ZFPM1: variants seen among roughly 807,000 people sequenced by gnomAD.
The protein encoded by ZFPM1 is zinc finger protein ZFPM1.
A neutral mutation model predicts 46.3 loss-of-function variants in ZFPM1; 28 were observed. That is an observed-to-expected ratio of 0.60 (90% CI 0.45 to 0.83). ZFPM1 has a LOEUF of 0.83. Among genes scored for constraint, ZFPM1 ranks in the 40% least tolerant of loss-of-function variants. ZFPM1 has a pLI of 0.00. For synonymous variants in ZFPM1, 957 were observed against 675.9 expected (o/e 1.42, Z -6.45); for missense variants, 1,878 against 1,432.4 (o/e 1.31, Z -5.02).
intron 5 of ZFPM1, among the ~76,000 whole-genome samples, chr16:88,527,346 G>A (rs1316668410): frequency 1.7e-4 from 26 of 152,220 alleles, no homozygotes; most frequent in Non-Finnish European, 3.5e-4. Context: ...CAAGGTGGCC[G>A]TCCAGGAAGT....
chr16:88,519,950 AATGGATGGATGG>A (rs375269569), intron 4 of ZFPM1, among the ~76,000 whole-genome samples: 10 of 103,234 alleles, frequency 9.7e-5, no homozygotes, highest in African/African-American at 3.4e-4. Flanking sequence ...TGGATGGATG[AATGGATGGATGG>A]ATGGATGGAT....
At position 88,534,382 on chromosome 16, in the gene ZFPM1, C is replaced by T. The variant is rs775652430; in HGVS notation, c.2424C>T (p.Ala808=). ...SKKPRRPLPG[A]PAPALADYHE... is the part of the protein sequence containing the mutation. ...AGCCGCGGCGCCCGCTCCCCGGAGC[C>T]CCGGCACCGGCGCTGGCCGACTACC... The change falls in exon 10 of 10, where the codon GCC becomes GCT. Residue 808 remains alanine (A), a synonymous_variant. Coordinates refer to ENST00000319555, the MANE Select transcript of ZFPM1 (RefSeq NM_153813.3). 3.4e-6 allele frequency: 5 copies of T among 1,459,526 alleles called. No individual in the cohort carries two copies. The highest frequency in any genetic ancestry group is 2.4e-5 in the Admixed American group (1 of 40,820). The allele number at this position is 1,459,526 out of a possible 1,614,324, so 90.4% of individuals were successfully genotyped here. A position where few individuals can be genotyped will look rare whatever the true frequency, so the allele number is the denominator to read the frequency against.
chr16:88,534,109 G>C lies in ZFPM1; in HGVS notation c.2151G>C (p.Pro717=), dbSNP rs1316138256. ...ASRHDPPPRR[P]AAPPGPPGPA... The stretch of plus-strand genomic sequence containing the variant: ...GCCACGACCCGCCGCCGCGCCGACC[G>C]GCCGCGCCCCCGGGACCCCCTGGGC... Residue 717 remains proline (P), a synonymous_variant, in exon 10 of 10, where the codon CCG becomes CCC. Coordinates refer to ENST00000319555, the MANE Select transcript of ZFPM1 (RefSeq NM_153813.3). 2.6e-6 allele frequency: 3 copies of C among 1,140,462 alleles called. No homozygotes were observed. Among genetic ancestry groups the C allele is most frequent in the Non-Finnish European group, 2.2e-6 (2 of 906,314 alleles). 70.6% of individuals were successfully genotyped at this position (1,140,462 alleles called of 1,614,324 possible).
chr16:88,519,871 A>G (rs893264794), intron 4 of ZFPM1, among the ~76,000 whole-genome samples: 1 of 150,006 alleles, frequency 6.7e-6, no homozygotes, highest in Non-Finnish European at 1.5e-5. Flanking sequence ...GGGTGGGTAG[A>G]TGGGTAGATG....
chr16:88,509,561 C>T (rs1910842339), intron 3 of ZFPM1, among the ~76,000 whole-genome samples: 1 of 152,260 alleles, frequency 6.6e-6, no homozygotes, highest in South Asian at 2.1e-4. Context: ...CCTGCCTCCT[C>T]AAGTCAGAGC....
At position 88,497,677 on chromosome 16, in the gene ZFPM1, C is replaced by T. The variant is rs11859229; in HGVS notation, c.268+8524C>T. On this transcript the variant is annotated intron_variant, in intron 3 of 9. Coordinates refer to ENST00000319555, the MANE Select transcript of ZFPM1 (RefSeq NM_153813.3). The surrounding 1 kb of genome is among the most constrained non-coding windows in gnomAD (Gnocchi z 5.4). ...TGAGCGATCCGGTCCAGCATCCCGG[C>T]GCTGGGAGCCGGCAGCTGCTGTGAG... 5.9e-5 allele frequency among the ~76,000 whole-genome samples: 9 copies of T among 152,030 alleles called. No homozygotes were observed. The South Asian group carries it at 1.2e-3, about 21-fold the overall frequency.
intron 3 of ZFPM1, among the ~76,000 whole-genome samples, chr16:88,505,693 A>C (rs1910613307): frequency 6.6e-6 from 1 of 152,072 alleles, no homozygotes; most frequent in Non-Finnish European, 1.5e-5. Context: ...AGCTCCCGGG[A>C]ACGCAGCCCA....
At position 88,533,780 on chromosome 16, in the gene ZFPM1, G is replaced by A. The variant is rs1256838969; in HGVS notation, c.1822G>A (p.Asp608Asn). 31 of 1,355,512 alleles carry A rather than the reference G, an allele frequency of 2.3e-5. No homozygotes were observed. The highest frequency in any genetic ancestry group is 3.0e-5 in the Non-Finnish European group (31 of 1,040,800). The allele number at this position is 1,355,512 out of a possible 1,614,324, so 84.0% of individuals were successfully genotyped here. The change falls in exon 10 of 10, where the codon GAC (aspartate) becomes AAC (asparagine). Residue 608 changes from aspartate to asparagine, a missense_variant. Transcript: ENST00000319555. ...CTGTTCAGGCCGCCGTGCGCCCGAGGACGCGCCTGCCGCGCGCAGGCCCAA... is the reference window on the plus strand; with the variant it reads ...CTGTTCAGGCCGCCGTGCGCCCGAGAACGCGCCTGCCGCGCGCAGGCCCAA... ...LYCSGRRAPE[D>N]APAARRPKAP... is the part of the protein sequence containing the mutation.
chr16:88,510,375 G>A (rs547914985), intron 3 of ZFPM1, among the ~76,000 whole-genome samples: 34 of 152,216 alleles, frequency 2.2e-4, no homozygotes, highest in Non-Finnish European at 8.8e-5. Context: ...GCCAAGCTCT[G>A]CCTGGTCCTC....
chr16:88,503,189 G>A (rs976147995), intron 3 of ZFPM1, among the ~76,000 whole-genome samples: 1 of 152,236 alleles, frequency 6.6e-6, no homozygotes, highest in African/African-American at 2.4e-5. Context: ...TGTGTCTGGG[G>A]GGCCACGGTT....
In ZFPM1 at chr16:88,533,632, G is replaced by C. The variant is rs1912991198; in HGVS notation, c.1674G>C (p.Ala558=). ...ELVHSRLQQG[A]GAGAGGAQTG... The stretch of plus-strand genomic sequence containing the variant: ...TGCACAGCCGGCTGCAGCAGGGCGC[G>C]GGCGCGGGCGCCGGCGGCGCGCAGA... The change falls in exon 10 of 10, where the codon GCG becomes GCC. Residue 558 remains alanine, a synonymous_variant. Transcript: ENST00000319555. 6.8e-7 allele frequency: 1 copy of C among 1,463,056 alleles called. No individual in the cohort carries two copies. The highest frequency in any genetic ancestry group is 9.0e-7 in the Non-Finnish European group (1 of 1,106,336). The allele number at this position is 1,463,056 out of a possible 1,614,324, so 90.6% of individuals were successfully genotyped here. A position where few individuals can be genotyped will look rare whatever the true frequency, so the allele number is the denominator to read the frequency against.
intron 6 of ZFPM1, among the ~76,000 whole-genome samples, chr16:88,528,671 G>A (rs1043719209): frequency 2.0e-5 from 3 of 152,224 alleles, no homozygotes; most frequent in African/African-American, 7.2e-5. Context: ...CCCTGGCCCC[G>A]GCCCACTAGG....
At chr16:88,457,572 G>T (rs138405444) in intron 1 of ZFPM1, among the ~76,000 whole-genome samples, 1 of 152,158 alleles carries the variant, frequency 6.6e-6, no homozygotes, top group Non-Finnish European at 1.5e-5. Context: ...TGATGCTTAG[G>T]CTGCGAAGCC....
In ZFPM1 at chr16:88,486,304, C is replaced by A. The variant is rs147618672; in HGVS notation, c.145+261C>A. Among the ~76,000 whole-genome samples the A allele has an allele frequency of 3.5e-3, 537 of 152,348 alleles. 3 individuals are homozygous for A. Among genetic ancestry groups the A allele is most frequent in the African/African-American group, 0.012 (484 of 41,576 alleles). On this transcript the variant is annotated intron_variant, in intron 2 of 9. Coordinates refer to ENST00000319555, the MANE Select transcript of ZFPM1 (RefSeq NM_153813.3). ...CTCATACAAATGAGCAGACCAAGGC[C>A]CAGATGGGGCAGGTCTGGCCCTGGG...
At position 88,497,236 on chromosome 16, in the gene ZFPM1, T is replaced by TGGGA. The variant is rs879442640; in HGVS notation, c.268+8087_268+8090dup. ...CGAGTGTCAGGCTGGGTGTGAGAGA[T>TGGGA]GGGAGGGGCGGCAGGTGGACGGCCC... On this transcript the variant is annotated intron_variant, in intron 3 of 9. Transcript: ENST00000319555. The surrounding 1 kb of genome is among the most constrained non-coding windows in gnomAD (Gnocchi z 5.4). 3.8e-4 allele frequency among the ~76,000 whole-genome samples: 57 copies of TGGGA among 151,862 alleles called. No individual in the cohort carries two copies. The highest frequency in any genetic ancestry group is 1.5e-3 in the Admixed American group (23 of 15,286).
intron 1 of ZFPM1, among the ~76,000 whole-genome samples, chr16:88,461,667 C>G (rs1039229130): frequency 6.6e-6 from 1 of 152,142 alleles, no homozygotes; most frequent in African/African-American, 2.4e-5. Context: ...GCCAAAAGCC[C>G]TGAGGGTTGG....
intron 3 of ZFPM1, among the ~76,000 whole-genome samples, chr16:88,502,981 A>G (rs966924600): frequency 1.3e-5 from 2 of 152,210 alleles, no homozygotes; most frequent in Non-Finnish European, 2.9e-5. Context: ...CCCACCAGCC[A>G]TGAAGGCCCC....
chr16:88,526,716 A>C (rs1912352677), intron 4 of ZFPM1, 98 bp from the exon 5 acceptor site: 1 of 1,307,514 alleles, frequency 7.6e-7, no homozygotes, highest in South Asian at 1.4e-5. Flanking sequence ...CCAAGCCGGG[A>C]GGCAGATCCG....
chr16:88,519,187 G>T (rs1477944428), intron 4 of ZFPM1, among the ~76,000 whole-genome samples: 2 of 146,764 alleles, frequency 1.4e-5, no homozygotes, highest in Admixed American at 1.4e-4. Flanking sequence ...ATGGGTGGGT[G>T]GATGGGAGGG....
Sources: gnomAD v4.1 joint callset for allele counts (sites outside exome capture counted in the v4.1 genomes callset) on GRCh38, gnomAD v4.1.1 for gene constraint, Gnocchi (gnomAD v3.1) non-coding constraint, MANE v1.5 for transcripts, NCBI Gene and HGNC (gene_info 2026-07-23, HGNC 2026-07-21) for gene names.